The following RCAN2 variants were observed in gnomAD, a reference collection of about 807,000 sequenced individuals.
RCAN2 encodes regulator of calcineurin 2.
In RCAN2, 9 loss-of-function variants were observed where a neutral mutation model predicts 23.6. That is an observed-to-expected ratio of 0.38 (90% confidence interval 0.23 to 0.67). The LOEUF (loss-of-function observed/expected upper bound fraction) is 0.67. RCAN2 is among the 30% of genes least tolerant of loss of function. The pLI is 0.51. For synonymous variants in RCAN2, 109 were observed against 115.7 expected, an observed-to-expected ratio of 0.94 and a Z score of 0.37; for missense variants, 273 against 302.3, an observed-to-expected ratio of 0.90 and a Z score of 0.72.
intron 2 of RCAN2, among the ~76,000 whole-genome samples, chr6:46,334,865 T>C (rs1764091985): frequency 6.6e-6 from 1 of 152,226 alleles, no homozygotes; most frequent in Admixed American, 6.5e-5. Context: ...CCTGCCTTAA[T>C]TCGTTCTTTA....
chr6:46,474,800 A>C (rs1225850556), intron 1 of RCAN2, among the ~76,000 whole-genome samples: 3 of 152,172 alleles, frequency 2.0e-5, no homozygotes, highest in Non-Finnish European at 4.4e-5. Context: ...ACAAAAGATA[A>C]ATTGAACACA....
At chr6:46,440,944 C>A (rs1767523505) in intron 2 of RCAN2, among the ~76,000 whole-genome samples, 1 of 152,188 alleles carries the variant, frequency 6.6e-6, no homozygotes, top group Admixed American at 6.5e-5. Flanking sequence ...GATATAAAAG[C>A]ACAACTTTGT....
intron 2 of RCAN2, among the ~76,000 whole-genome samples, chr6:46,343,006 A>G (rs1477284533): frequency 6.6e-6 from 1 of 152,234 alleles, no homozygotes. Flanking sequence ...TGAAGAAATA[A>G]TAGCCAAGAT....
At chr6:46,478,764 T>C (rs1768780101) in intron 1 of RCAN2, among the ~76,000 whole-genome samples, 1 of 152,242 alleles carries the variant, frequency 6.6e-6, no homozygotes. Context: ...AAGTAACTAA[T>C]GTAGTCATTT....
At chr6:46,358,550 A>G (rs1018928114) in intron 2 of RCAN2, among the ~76,000 whole-genome samples, 1 of 152,182 alleles carries the variant, frequency 6.6e-6, no homozygotes, top group Non-Finnish European at 1.5e-5. Context: ...AGAATTTTCC[A>G]TGTTTCTTCA....
chr6:46,345,923 T>C (rs562644526), intron 2 of RCAN2, among the ~76,000 whole-genome samples: 9 of 152,258 alleles, frequency 5.9e-5, no homozygotes, highest in African/African-American at 1.9e-4. Context: ...AATGAACAAA[T>C]ATTTATTTTA....
At chr6:46,435,669 T>C (rs532834289) in intron 2 of RCAN2, among the ~76,000 whole-genome samples, 3 of 152,208 alleles carry the variant, frequency 2.0e-5, no homozygotes, top group Non-Finnish European at 2.9e-5. Context: ...TGAAATGCCT[T>C]TAATTACTCA....
chr6:46,425,392 A>G (rs1767003756), intron 2 of RCAN2, among the ~76,000 whole-genome samples: 1 of 152,220 alleles, frequency 6.6e-6, no homozygotes, highest in Non-Finnish European at 1.5e-5. Flanking sequence ...GAAAAAGGCA[A>G]AAACATCCTT....
At chr6:46,425,718 T>TA (rs1377303321) in intron 2 of RCAN2, among the ~76,000 whole-genome samples, 10 of 151,636 alleles carry the variant, frequency 6.6e-5, no homozygotes, top group South Asian at 2.1e-4. Context: ...CTACTTACCT[T>TA]AAAAAAAACA....
intron 2 of RCAN2, among the ~76,000 whole-genome samples, chr6:46,295,756 T>C (rs1049285355): frequency 9.9e-5 from 15 of 151,884 alleles, no homozygotes; most frequent in African/African-American, 3.6e-4. Context: ...CCAAGCAAGT[T>C]TGCAAATTGA....
intron 2 of RCAN2, among the ~76,000 whole-genome samples, chr6:46,341,614 T>A (rs868115574): frequency 1.3e-5 from 2 of 151,990 alleles, no homozygotes; most frequent in African/African-American, 2.4e-5. Flanking sequence ...CTGGCCAACA[T>A]GGTGAGACCC....
At chr6:46,327,332 A>G (rs1763824751) in intron 2 of RCAN2, among the ~76,000 whole-genome samples, 1 of 151,304 alleles carries the variant, frequency 6.6e-6, no homozygotes, top group Non-Finnish European at 1.5e-5. Flanking sequence ...ACCTTGAAAT[A>G]CGGGAAAGAT....
At position 46,448,097 on chromosome 6, in the gene RCAN2, G is replaced by C. The variant is rs569734937; in HGVS notation, c.225+8655C>G. Among the ~76,000 whole-genome samples the C allele has an allele frequency of 8.6e-5, 13 of 151,680 alleles. No individual in the cohort carries two copies. In the East Asian group the frequency reaches 1.5e-3, roughly 18 times the overall value. ...AACAAAATCAACAACCCTTAAGCTAGCTTAATAAAAAAATCTGAGAAGACT... is the reference window on the plus strand; with the variant it reads ...AACAAAATCAACAACCCTTAAGCTACCTTAATAAAAAAATCTGAGAAGACT... On this transcript the variant is annotated intron_variant, in intron 2 of 4. Transcript: ENST00000371374.
intron 2 of RCAN2, among the ~76,000 whole-genome samples, chr6:46,443,468 A>C (rs1033052415): frequency 2.0e-5 from 3 of 152,076 alleles, no homozygotes; most frequent in African/African-American, 4.8e-5. Context: ...TATTACAGTA[A>C]CATAAACATA....
intron 2 of RCAN2, among the ~76,000 whole-genome samples, chr6:46,368,837 T>C (rs1412784445): frequency 1.3e-5 from 2 of 152,182 alleles, no homozygotes; most frequent in Non-Finnish European, 2.9e-5. Context: ...AAGTAGACTT[T>C]ATAAATACTG....
At chr6:46,345,247 A>G (rs1764446774) in intron 2 of RCAN2, among the ~76,000 whole-genome samples, 1 of 152,154 alleles carries the variant, frequency 6.6e-6, no homozygotes, top group African/African-American at 2.4e-5. Flanking sequence ...TATTCAAAAT[A>G]CATGAAACAG....
rs373508340 is a variant in RCAN2 at position 46,262,239 on chromosome 6, C to T, written c.226-13343G>A. Among the ~76,000 whole-genome samples, 50 of 152,056 alleles carry T rather than the reference C, an allele frequency of 3.3e-4. 1 individual carries two copies. Among genetic ancestry groups the T allele is most frequent in the South Asian group, 2.3e-3 (11 of 4,808 alleles). ...TCTACCCAGTTGCTTAAGCAGGCAACCTAAATGTTATCCTGATCTCTTCTT... is the reference window on the plus strand; with the variant it reads ...TCTACCCAGTTGCTTAAGCAGGCAATCTAAATGTTATCCTGATCTCTTCTT... On this transcript the variant is annotated intron_variant, in intron 2 of 4. Transcript: ENST00000371374.
At chr6:46,379,681 T>C (rs373988228) in intron 2 of RCAN2, among the ~76,000 whole-genome samples, 132 of 152,324 alleles carry the variant, frequency 8.7e-4, no homozygotes, top group African/African-American at 3.0e-3. Flanking sequence ...ATAAAAATAC[T>C]AAGCTCTCTT....
intron 2 of RCAN2, among the ~76,000 whole-genome samples, chr6:46,286,473 T>C (rs554469081): frequency 6.6e-6 from 1 of 152,342 alleles, no homozygotes; most frequent in East Asian, 1.9e-4. Flanking sequence ...ATGTACTATC[T>C]TTACACAATT....
Sources: allele counts gnomAD v4.1 joint callset (sites outside exome capture counted in the v4.1 genomes callset), GRCh38; gene constraint gnomAD v4.1.1; transcripts MANE v1.5; gene names NCBI Gene and HGNC (gene_info 2026-07-23, HGNC 2026-07-21).